The following SYN3 variants were observed in gnomAD, a reference collection of about 807,000 sequenced individuals.
The protein encoded by SYN3 is synapsin-3.
A neutral mutation model predicts 65.8 loss-of-function variants in SYN3; 35 were observed. The ratio of observed to expected loss-of-function variants is 0.53; its 90% confidence interval spans 0.41 to 0.70. The LOEUF (loss-of-function observed/expected upper bound fraction) is 0.70. Among genes scored for constraint, SYN3 ranks in the 30% least tolerant of loss-of-function variants. The pLI is 0.00. For missense variants in SYN3, 680 were observed against 749.0 expected (o/e 0.91, Z 1.08); for synonymous variants, 270 against 292.9 (o/e 0.92, Z 0.80).
chr22:32,594,238 G>A (rs948683567), intron 7 of SYN3, among the ~76,000 whole-genome samples: 1 of 152,086 alleles, frequency 6.6e-6, no homozygotes, highest in Admixed American at 6.5e-5. Context: ...CCTGTGTACC[G>A]GGTGCCACTC....
At chr22:32,752,218 T>G (rs1232737705) in intron 6 of SYN3, among the ~76,000 whole-genome samples, 1 of 152,250 alleles carries the variant, frequency 6.6e-6, no homozygotes, top group Admixed American at 6.5e-5. Context: ...CCATCCTTTA[T>G]TAAGCACCAA....
rs867924521 is a variant in SYN3, at chr22:32,565,146, T to C, written c.775-23433A>G. On this transcript the variant is annotated intron_variant, in intron 7 of 13. Coordinates refer to ENST00000358763, the MANE Select transcript of SYN3 (RefSeq NM_003490.4). ...CCGGACTGCACCCAAACAGTGCTCCTGGGCTGCACCCAAACAGTGCTCTCG... is the reference window on the plus strand; with the variant it reads ...CCGGACTGCACCCAAACAGTGCTCCCGGGCTGCACCCAAACAGTGCTCTCG... Among the ~76,000 whole-genome samples, 101 of 134,094 alleles carry C rather than the reference T, an allele frequency of 7.5e-4. 1 individual carries two copies. The highest frequency in any genetic ancestry group is 2.0e-3 in the African/African-American group (70 of 35,216). The allele number at this position is 134,094 out of a possible 152,430, so 88.0% of individuals were successfully genotyped here.
intron 6 of SYN3, among the ~76,000 whole-genome samples, chr22:32,820,865 T>C (rs2047227032): frequency 6.6e-6 from 1 of 152,204 alleles, no homozygotes; most frequent in African/African-American, 2.4e-5. Context: ...GTATGAATGA[T>C]AAAGAGCAGA....
rs979296686 is a variant in SYN3 at position 32,510,143 on chromosome 22, T to C, written c.*3549A>G. On this transcript the variant is annotated 3_prime_UTR_variant, in exon 14 of 14. Coordinates refer to ENST00000358763, the MANE Select transcript of SYN3 (RefSeq NM_003490.4). ...CCACTAGTTTCACTCACTAAAGGAG[T>C]GGGTTCGTAGCTGCGTTGGAGACTG... is the stretch of plus-strand genomic sequence containing the variant. 6.6e-6 allele frequency among the ~76,000 whole-genome samples: 1 copy of C among 152,122 alleles called. No homozygotes were observed. The highest frequency in any genetic ancestry group is 2.4e-5 in the African/African-American group (1 of 41,428).
chr22:32,525,148 A>T lies in SYN3; in HGVS notation c.1318+2770T>A, dbSNP rs533282100. 6.6e-5 allele frequency among the ~76,000 whole-genome samples: 10 copies of T among 152,366 alleles called. No individual in the cohort carries two copies. In the South Asian group the frequency reaches 1.4e-3, roughly 22 times the overall value. ...ATGCCATTAATAATATTTGGGATTC[A>T]TAGGAGGAGATCAAAATAGCAACAT... On this transcript the variant is annotated intron_variant, in intron 12 of 13. Transcript: ENST00000358763.
intron 6 of SYN3, among the ~76,000 whole-genome samples, chr22:32,600,041 A>T (rs1384458752): frequency 6.6e-6 from 1 of 152,034 alleles, no homozygotes; most frequent in Non-Finnish European, 1.5e-5. Flanking sequence ...GGATGAGGGG[A>T]TGGTTTTAGG....
At chr22:32,845,920 A>G (rs2146222132) in intron 6 of SYN3, among the ~76,000 whole-genome samples, 1 of 152,320 alleles carries the variant, frequency 6.6e-6, no homozygotes, top group East Asian at 1.9e-4. Flanking sequence ...ACAAAATAGC[A>G]CACATTTGAA....
chr22:32,931,361 A>G, intron 4 of SYN3, 29 bp downstream of exon 4: 2 of 1,477,942 alleles, frequency 1.4e-6, no homozygotes, highest in Non-Finnish European at 1.9e-6. Flanking sequence ...CAATTCTCAG[A>G]AGGTTCTGCA....
At chr22:32,605,357 A>C (rs543998395) in intron 6 of SYN3, among the ~76,000 whole-genome samples, 6 of 152,118 alleles carry the variant, frequency 3.9e-5, no homozygotes, top group Non-Finnish European at 5.9e-5. Flanking sequence ...ACTGTGTTTC[A>C]TGGCTACCAG....
chr22:33,005,019 A>G (rs932401565), intron 2 of SYN3, among the ~76,000 whole-genome samples: 3 of 152,132 alleles, frequency 2.0e-5, no homozygotes, highest in African/African-American at 7.2e-5. Flanking sequence ...TGATGGTTTT[A>G]TAAGGGGCTT....
chr22:32,540,121 T>C (rs2058230048), intron 8 of SYN3, among the ~76,000 whole-genome samples: 1 of 152,100 alleles, frequency 6.6e-6, no homozygotes, highest in African/African-American at 2.4e-5. Context: ...ATGACAGGGC[T>C]CAGTAGTTGC....
intron 6 of SYN3, chr22:32,849,537 A>G (rs112703278): frequency 1.2e-6 from 2 of 1,612,706 alleles, no homozygotes; most frequent in South Asian, 1.1e-5. Context: ...AGATGAAGGT[A>G]GGTAATGTCA....
chr22:32,579,311 A>G (rs911509907), intron 7 of SYN3, among the ~76,000 whole-genome samples: 2 of 152,216 alleles, frequency 1.3e-5, no homozygotes, highest in African/African-American at 2.4e-5. Context: ...AGACTGGATA[A>G]TTCAGAAATT....
Position 32,691,323 on chromosome 22 carries a change from G to T in SYN3, c.712-94587C>A, listed in dbSNP as rs1003891591. Among the ~76,000 whole-genome samples the T allele has an allele frequency of 2.6e-4, 40 of 152,324 alleles. No homozygotes were observed. In the East Asian group the frequency reaches 7.5e-3, roughly 29 times the overall value. On this transcript the variant is annotated intron_variant, in intron 6 of 13. Coordinates refer to ENST00000358763, the MANE Select transcript of SYN3 (RefSeq NM_003490.4). ...GCCACCCATGAAGACTGAGCAAGAG[G>T]CAGCTGGTCACCCTCTTGAGCTCCT...
chr22:32,851,750 CCT>C (rs945716292), intron 6 of SYN3, among the ~76,000 whole-genome samples: 12 of 152,262 alleles, frequency 7.9e-5, no homozygotes, highest in African/African-American at 2.9e-4. Context: ...CCCAAATCTC[CCT>C]GCCATCTTAA....
chr22:32,825,130 G>T (rs242084), intron 6 of SYN3, among the ~76,000 whole-genome samples: 19 of 151,796 alleles, frequency 1.3e-4, no homozygotes, highest in East Asian at 5.9e-4. Context: ...GGTAGGGACA[G>T]GGGCAGTGGG....
chr22:33,000,775 C>T (rs781116067), intron 2 of SYN3, among the ~76,000 whole-genome samples: 3 of 152,172 alleles, frequency 2.0e-5, no homozygotes, highest in Non-Finnish European at 4.4e-5. Flanking sequence ...CCACTTCCTC[C>T]CCTGGGAGAC....
At chr22:32,681,232 C>T (rs895583254) in intron 6 of SYN3, among the ~76,000 whole-genome samples, 1 of 129,816 alleles carries the variant, frequency 7.7e-6, no homozygotes, top group Non-Finnish European at 1.8e-5. Flanking sequence ...TTGGCAACGT[C>T]TGGAGACATT....
Position 32,980,663 on chromosome 22 carries a change from A to T in SYN3, c.351T>A (p.Ile117=). The T allele has an allele frequency of 1.9e-6, 3 of 1,613,216 alleles. No homozygotes were observed. The highest frequency in any genetic ancestry group is 2.5e-6 in the Non-Finnish European group (3 of 1,179,256). ...YFHGKKVNGE[I]EIRVEQAEFS... The stretch of plus-strand genomic sequence containing the variant: ...CACCTACCTGCTCCACTCGGATCTC[A>T]ATCTCTCCATTCACCTTCTTCCCAT... The change falls in exon 3 of 14, where the codon ATT becomes ATA. Residue 117 remains isoleucine (I), a synonymous_variant. Transcript: ENST00000358763.
Sources: gnomAD v4.1 joint callset for allele counts (sites outside exome capture counted in the v4.1 genomes callset) on GRCh38, gnomAD v4.1.1 for gene constraint, MANE v1.5 for transcripts, NCBI Gene and HGNC (gene_info 2026-07-23, HGNC 2026-07-21) for gene names.